CLTRN: variants seen among roughly 807,000 people sequenced by gnomAD.
CLTRN encodes collectrin.
CLTRN carries 12 observed loss-of-function variants against 14.5 expected under a neutral mutation model. The ratio of observed to expected loss-of-function variants is 0.83; its 90% CI spans 0.53 to 1.34. The LOEUF is 1.34. Ranked by LOEUF, CLTRN falls within the 40% of genes most tolerant of loss-of-function variation. CLTRN has a pLI of 0.00. For missense variants in CLTRN, 154 were observed against 165.1 expected (o/e 0.93, Z 0.37); for synonymous variants, 58 against 56.5 (o/e 1.03, Z -0.12).
intron 5 of CLTRN, among the ~76,000 whole-genome samples, chrX:15,632,058 G>GA (rs1370082292): frequency 9.0e-6 from 1 of 111,588 alleles, no homozygotes; most frequent in East Asian, 2.8e-4. Context: ...GGAAGAGGAT[G>GA]AAAAAACTGA....
Position 15,659,040 on chromosome X carries a change from T to C in CLTRN, c.179A>G (p.Lys60Arg), listed in dbSNP as rs745926463. The change falls in exon 3 of 6, where the codon AAA becomes AGA. Residue 60 changes from lysine (K) to arginine (R), a missense_variant. Coordinates refer to ENST00000380342, the MANE Select transcript of CLTRN (RefSeq NM_020665.6). ...FKAMVAFSMR[K>R]VPNREATEIS... is the part of the protein sequence containing the mutation. ...CTCTGTTGCTTCTCTGTTGGGAACT[T>C]TTCTCATGGAGAAAGCTACCATCGC... 6.8e-6 allele frequency: 8 copies of C among 1,177,518 alleles called. No individual in the cohort carries two copies. The highest frequency in any genetic ancestry group is 2.4e-4 in the Middle Eastern group (1 of 4,232).
intron 4 of CLTRN, among the ~76,000 whole-genome samples, chrX:15,643,248 T>C (rs1381516222): frequency 8.9e-6 from 1 of 112,182 alleles, no homozygotes; most frequent in African/African-American, 3.2e-5. Flanking sequence ...GCCTTGAAAT[T>C]CCTATTATTT....
chrX:15,648,131 C>T (rs1322291938), intron 3 of CLTRN, among the ~76,000 whole-genome samples: 1 of 105,105 alleles, frequency 9.5e-6, no homozygotes, highest in African/African-American at 3.5e-5. Flanking sequence ...CCCTGTGGCA[C>T]ACATACACAG....
chrX:15,659,762 A>G (rs1601735872), intron 2 of CLTRN, among the ~76,000 whole-genome samples: 1 of 111,473 alleles, frequency 9.0e-6, no homozygotes, highest in South Asian at 3.8e-4. Context: ...AGCCATCTAC[A>G]TACAGGCCAA....
intron 2 of CLTRN, among the ~76,000 whole-genome samples, chrX:15,661,306 C>T (rs1326753230): frequency 8.9e-6 from 1 of 112,317 alleles, no homozygotes; most frequent in Non-Finnish European, 1.9e-5. Flanking sequence ...TTGGGGACAA[C>T]TTGACCTGAT....
At chrX:15,647,939 A>T (rs1180864532) in intron 3 of CLTRN, among the ~76,000 whole-genome samples, 3 of 70,386 alleles carry the variant, frequency 4.3e-5, no homozygotes, top group African/African-American at 1.6e-4. Context: ...CAAAATTGTT[A>T]CAAATGAGCT....
upstream of CLTRN, among the ~76,000 whole-genome samples, chrX:15,667,703 G>A (rs1259504542): frequency 9.0e-6 from 1 of 111,403 alleles, no homozygotes; most frequent in Non-Finnish European, 1.9e-5. Flanking sequence ...GAACTTAACT[G>A]TGTTTTGTTG....
intron 3 of CLTRN, among the ~76,000 whole-genome samples, chrX:15,646,013 G>A (rs1031488762): frequency 2.7e-5 from 3 of 113,009 alleles, no homozygotes; most frequent in African/African-American, 9.6e-5. Context: ...TCAGGACCTG[G>A]CAGAAATTCT....
At chrX:15,633,349 G>A (rs1928745262) in intron 5 of CLTRN, among the ~76,000 whole-genome samples, 1 of 111,861 alleles carries the variant, frequency 8.9e-6, no homozygotes, top group South Asian at 3.7e-4. Context: ...ACTCAGCCAC[G>A]ACTACGTGCC....
chrX:15,645,019 C>T lies in CLTRN; in HGVS notation c.214G>A (p.Val72Ile), dbSNP rs1929029056. ...PNREATEISH[V>I]LLCNVTQRVS... ...CTCTGGGTTACATTGCAAAGTAGGA[C>T]ATGGGAAATTCTGCAGACAGTGGAA... Residue 72 changes from valine (V) to isoleucine (I), a missense_variant, in exon 4 of 6, where the codon GTC (valine) becomes ATC (isoleucine). Coordinates refer to ENST00000380342, the MANE Select transcript of CLTRN (RefSeq NM_020665.6). 5.1e-6 allele frequency: 6 copies of T among 1,182,308 alleles called. No homozygotes were observed. The highest frequency in any genetic ancestry group is 6.9e-6 in the Non-Finnish European group (6 of 875,562).
chrX:15,642,584 C>T (rs1928967479), intron 4 of CLTRN, among the ~76,000 whole-genome samples: 1 of 112,004 alleles, frequency 8.9e-6, no homozygotes, highest in African/African-American at 3.2e-5. Context: ...ACCCTAAGCA[C>T]TTTGTGTAAA....
chrX:15,635,433 C>A (rs1184803604), intron 5 of CLTRN, among the ~76,000 whole-genome samples: 1 of 111,993 alleles, frequency 8.9e-6, no homozygotes, highest in Non-Finnish European at 1.9e-5. Flanking sequence ...TCAAAACAGA[C>A]ACATAGACAA....
At chrX:15,659,617 G>C (rs1929458245) in intron 2 of CLTRN, among the ~76,000 whole-genome samples, 1 of 111,544 alleles carries the variant, frequency 9.0e-6, no homozygotes, top group African/African-American at 3.3e-5. Flanking sequence ...ACTCTATTTG[G>C]AGACAGGGTC....
At chrX:15,642,699 C>T (rs1289307010) in intron 4 of CLTRN, among the ~76,000 whole-genome samples, 3 of 112,065 alleles carry the variant, frequency 2.7e-5, no homozygotes, top group Non-Finnish European at 3.8e-5. Flanking sequence ...TTCAAGTCCT[C>T]ACTTTCTCTT....
At position 15,627,399 on chromosome X, in the gene CLTRN, A is replaced by G. The variant is rs1928587961; in HGVS notation, c.*572T>C. 8.9e-6 allele frequency: 1 copy of G among 112,796 alleles called. No individual in the cohort carries two copies. The highest frequency in any genetic ancestry group is 1.9e-5 in the Non-Finnish European group (1 of 53,303). 9.3% of individuals were successfully genotyped at this position (112,796 alleles called of 1,213,427 possible). Reference sequence around the variant, plus strand: ...CAAATTGTAGAAATGGTCAACAAATAGAATTGTCCTATTAGGGGCTGATAT... The same window carrying G: ...CAAATTGTAGAAATGGTCAACAAATGGAATTGTCCTATTAGGGGCTGATAT... On this transcript the variant is annotated 3_prime_UTR_variant, in exon 6 of 6. Transcript: ENST00000380342.
chrX:15,630,442 G>T (rs1928669226), intron 5 of CLTRN, among the ~76,000 whole-genome samples: 1 of 111,394 alleles, frequency 9.0e-6, no homozygotes, highest in Non-Finnish European at 1.9e-5. Flanking sequence ...GAAATTTCTT[G>T]TATCTCTTGT....
intron 5 of CLTRN, among the ~76,000 whole-genome samples, chrX:15,634,388 AAG>A (rs1928767757): frequency 9.0e-6 from 1 of 110,837 alleles, no homozygotes; most frequent in Admixed American, 9.6e-5. Flanking sequence ...ACCCAAAACA[AAG>A]AGTCTTAGTT....
intron 3 of CLTRN, among the ~76,000 whole-genome samples, chrX:15,647,358 C>T (rs1328394269): frequency 8.9e-6 from 1 of 112,899 alleles, no homozygotes; most frequent in African/African-American, 3.2e-5. Context: ...CTCCTGCCTT[C>T]TCCCTGGGGA....
intron 4 of CLTRN, among the ~76,000 whole-genome samples, chrX:15,642,629 G>A (rs1186596026): frequency 2.7e-5 from 3 of 112,123 alleles, no homozygotes; most frequent in African/African-American, 9.7e-5. Flanking sequence ...GTCTGTTTCA[G>A]TTCTTTGTGT....
Sources: allele counts gnomAD v4.1 joint callset (sites outside exome capture counted in the v4.1 genomes callset), GRCh38; gene constraint gnomAD v4.1.1; transcripts MANE v1.5; gene names NCBI Gene and HGNC (gene_info 2026-07-23, HGNC 2026-07-21).